CCDC169: variants seen among roughly 807,000 people sequenced by gnomAD.
CCDC169 encodes coiled-coil domain containing 169.
Under a neutral mutation model 36.0 loss-of-function variants are expected in CCDC169, and 30 were observed. That is an observed-to-expected ratio of 0.83 (90% CI 0.62 to 1.13). CCDC169 has a LOEUF of 1.13. Ranked by LOEUF, CCDC169 falls within the 50% of genes most tolerant of loss-of-function variation. CCDC169 has a pLI of 0.00. For missense variants in CCDC169, 245 were observed against 245.9 expected (o/e 1.00, Z 0.03); for synonymous variants, 85 against 81.5 (o/e 1.04, Z -0.23).
chr13:36,242,993 G>T (rs1362545189), intron 7 of CCDC169, among the ~76,000 whole-genome samples: 1 of 152,202 alleles, frequency 6.6e-6, no homozygotes, highest in Non-Finnish European at 1.5e-5. Context: ...AAGTATCTTA[G>T]CCATGACTTG....
intron 4 of CCDC169, among the ~76,000 whole-genome samples, chr13:36,271,351 T>G (rs1036541221): frequency 2.6e-5 from 4 of 152,140 alleles, no homozygotes; most frequent in Non-Finnish European, 5.9e-5. Context: ...AGTACGGAGA[T>G]TCCTTAAACA....
At chr13:36,251,388 T>C (rs1187188417) in intron 6 of CCDC169, among the ~76,000 whole-genome samples, 1 of 152,184 alleles carries the variant, frequency 6.6e-6, no homozygotes, top group Non-Finnish European at 1.5e-5. Context: ...TTAACATTTA[T>C]ACTGGGGACA....
At chr13:36,224,834 G>T (rs951327837), downstream of CCDC169, 1 of 152,094 alleles carries the variant, frequency 6.6e-6, no homozygotes, top group African/African-American at 2.4e-5. Flanking sequence ...AATAGCCAGA[G>T]CAATCTTAAT....
At position 36,266,426 on chromosome 13, in the gene CCDC169, G is replaced by A. The variant is rs560513993; in HGVS notation, c.316-12283C>T. Reference sequence around the variant, plus strand: ...TAGACTTGTAGACTCCAGATCCTTAGGGGCACCTATCCAGATGTCCTGTCA... The same window carrying A: ...TAGACTTGTAGACTCCAGATCCTTAAGGGCACCTATCCAGATGTCCTGTCA... On this transcript the variant is annotated intron_variant, in intron 4 of 7. Coordinates refer to ENST00000239859, the MANE Select transcript of CCDC169 (RefSeq NM_001144981.3). 3.3e-5 allele frequency among the ~76,000 whole-genome samples: 5 copies of A among 152,228 alleles called. No homozygotes were observed. The South Asian group carries it at 1.0e-3, about 32-fold the overall frequency.
intron 4 of CCDC169, among the ~76,000 whole-genome samples, chr13:36,268,772 G>T (rs1449426560): frequency 6.6e-6 from 1 of 152,140 alleles, no homozygotes; most frequent in Non-Finnish European, 1.5e-5. Flanking sequence ...AATTAGAAAT[G>T]ATCCTGGAAA....
At chr13:36,289,599 A>T (rs1383455133) in intron 2 of CCDC169, among the ~76,000 whole-genome samples, 3 of 152,242 alleles carry the variant, frequency 2.0e-5, no homozygotes, top group Non-Finnish European at 2.9e-5. Context: ...AAGGAAAAGT[A>T]GTCACACTGC....
chr13:36,242,239 C>T (rs1300092058), intron 7 of CCDC169, among the ~76,000 whole-genome samples: 3 of 152,182 alleles, frequency 2.0e-5, no homozygotes, highest in East Asian at 1.9e-4. Flanking sequence ...GTATGAGAAT[C>T]CCCTATTCCT....
intron 7 of CCDC169, 148 bp from the exon 8 acceptor site, chr13:36,231,440 T>C: frequency 2.7e-6 from 2 of 749,442 alleles, no homozygotes; most frequent in African/African-American, 3.5e-5. Flanking sequence ...AGTTTCTGCT[T>C]ACAGTGCAAA....
intron 6 of CCDC169, among the ~76,000 whole-genome samples, chr13:36,251,532 C>A (rs761960517): frequency 1.4e-5 from 2 of 144,416 alleles, no homozygotes; most frequent in Non-Finnish European, 3.1e-5. Context: ...GCTTTGGGGA[C>A]AAAAGACTTT....
At chr13:36,258,040 C>T (rs1874133936) in intron 4 of CCDC169, among the ~76,000 whole-genome samples, 3 of 151,984 alleles carry the variant, frequency 2.0e-5, no homozygotes, top group African/African-American at 7.2e-5. Context: ...GCAGATCTGG[C>T]TACTAGGGTG....
chr13:36,290,269 T>C (rs2138641131), intron 2 of CCDC169, among the ~76,000 whole-genome samples: 1 of 152,268 alleles, frequency 6.6e-6, no homozygotes, highest in Non-Finnish European at 1.5e-5. Flanking sequence ...TCTTAATAAT[T>C]TTGCCTCTAT....
chr13:36,248,332 A>T (rs984522889), intron 7 of CCDC169, among the ~76,000 whole-genome samples: 4 of 152,064 alleles, frequency 2.6e-5, no homozygotes, highest in African/African-American at 7.2e-5. Flanking sequence ...TGTAGTTTTA[A>T]GTTCTCCTAG....
intron 4 of CCDC169, among the ~76,000 whole-genome samples, chr13:36,265,651 G>C (rs1337541673): frequency 6.6e-6 from 1 of 152,208 alleles, no homozygotes; most frequent in African/African-American, 2.4e-5. Flanking sequence ...CCTGGGATAA[G>C]AGATGTTTTT....
In CCDC169 at chr13:36,248,084, C is replaced by A. The variant is rs554469092; in HGVS notation, c.545+522G>T. ...ATAACTCACTGAAGGCTCAAATGAT[C>A]AATAGCATTTTTCAGCATAAAATCT... On this transcript the variant is annotated intron_variant, in intron 7 of 7. Coordinates refer to ENST00000239859, the MANE Select transcript of CCDC169 (RefSeq NM_001144981.3). Among the ~76,000 whole-genome samples the A allele has an allele frequency of 3.3e-5, 5 of 152,180 alleles. No homozygotes were observed. The East Asian group carries it at 9.7e-4, about 29-fold the overall frequency.
chr13:36,251,044 CT>C (rs1446278528), intron 6 of CCDC169, among the ~76,000 whole-genome samples: 1 of 152,184 alleles, frequency 6.6e-6, no homozygotes, highest in Non-Finnish European at 1.5e-5. Context: ...TTCTGCCTGA[CT>C]TTTAAGTAAT....
At chr13:36,285,808 C>CTT (rs1878182882) in intron 2 of CCDC169, among the ~76,000 whole-genome samples, 3 of 152,162 alleles carry the variant, frequency 2.0e-5, no homozygotes. Context: ...AGATAGACAC[C>CTT]AAAACAAGAC....
At chr13:36,235,262 C>G (rs1870934145) in intron 7 of CCDC169, among the ~76,000 whole-genome samples, 2 of 151,244 alleles carry the variant, frequency 1.3e-5, no homozygotes, top group African/African-American at 4.9e-5. Context: ...ATATATAAAA[C>G]CAATCCTTCA....
intron 6 of CCDC169, among the ~76,000 whole-genome samples, chr13:36,250,069 T>C (rs1293958041): frequency 6.6e-6 from 1 of 152,072 alleles, no homozygotes; most frequent in South Asian, 2.1e-4. Context: ...GCAAAATAAA[T>C]AGGTGATTAC....
chr13:36,237,386 GT>G (rs1871217073), intron 7 of CCDC169, among the ~76,000 whole-genome samples: 1 of 152,088 alleles, frequency 6.6e-6, no homozygotes, highest in South Asian at 2.1e-4. Flanking sequence ...TAGCTTGGCA[GT>G]TCCTCAAAAA....
Sources: gnomAD v4.1 joint callset for allele counts (sites outside exome capture counted in the v4.1 genomes callset) on GRCh38, gnomAD v4.1.1 for gene constraint, MANE v1.5 for transcripts, NCBI Gene and HGNC (gene_info 2026-07-23, HGNC 2026-07-21) for gene names.